The following PTPRN2 variants were observed in gnomAD, a reference collection of about 807,000 sequenced individuals.
The protein encoded by PTPRN2 is protein tyrosine phosphatase receptor type N2.
Under a neutral mutation model 118.8 loss-of-function variants are expected in PTPRN2, and 74 were observed. The ratio of observed to expected loss-of-function variants is 0.62; its 90% confidence interval spans 0.52 to 0.76. The LOEUF is 0.76. Among genes scored for constraint, PTPRN2 ranks in the 30% least tolerant of loss-of-function variants. PTPRN2 has a pLI of 0.00. For missense variants in PTPRN2, 1,481 were observed against 1,394.4 expected, an observed-to-expected ratio of 1.06 and a Z score of -0.99; for synonymous variants, 641 against 608.0, an observed-to-expected ratio of 1.05 and a Z score of -0.80.
chr7:158,169,133 G>A (rs1166729284), intron 5 of PTPRN2, among the ~76,000 whole-genome samples: 1 of 152,206 alleles, frequency 6.6e-6, no homozygotes, highest in African/African-American at 2.4e-5. Flanking sequence ...AGGGGGTCCA[G>A]CTCCTGAGTC....
chr7:158,173,230 T>C (rs1823874233), intron 5 of PTPRN2, among the ~76,000 whole-genome samples: 1 of 152,196 alleles, frequency 6.6e-6, no homozygotes, highest in South Asian at 2.1e-4. Context: ...CCATCATCAC[T>C]TCCTATTGGG....
rs12666975 is a variant in PTPRN2, at chr7:157,874,848, T to C, written c.1788+23825A>G. ...ACACAGAGACACACTCATGCACATA[T>C]ACACACGGAGACACACTCGTGCACA... is the stretch of plus-strand genomic sequence containing the variant. On this transcript the variant is annotated intron_variant, in intron 12 of 22. Coordinates refer to ENST00000389418, the MANE Select transcript of PTPRN2 (RefSeq NM_002847.5). The surrounding 1 kb of genome is among the most constrained non-coding windows in gnomAD (Gnocchi z 5.8). Among the ~76,000 whole-genome samples, 1,091 of 142,368 alleles carry C rather than the reference T, an allele frequency of 7.7e-3. 53 individuals are homozygous for C. In the East Asian group the frequency reaches 0.14, roughly 18 times the overall value. The allele number at this position is 142,368 out of a possible 152,430, so 93.4% of individuals were successfully genotyped here.
At chr7:158,088,228 T>C (rs1410234080) in intron 10 of PTPRN2, among the ~76,000 whole-genome samples, 7 of 34,566 alleles carry the variant, frequency 2.0e-4, no homozygotes, top group Admixed American at 6.1e-4. Flanking sequence ...ACAAACCTTC[T>C]TCCCCTGATG....
intron 4 of PTPRN2, among the ~76,000 whole-genome samples, chr7:158,198,440 C>T (rs950764798): frequency 6.6e-6 from 1 of 152,152 alleles, no homozygotes; most frequent in Non-Finnish European, 1.5e-5. Flanking sequence ...CTTAGGCTCA[C>T]GATAATATGA....
At position 158,047,106 on chromosome 7, in the gene PTPRN2, A is replaced by C. The variant is rs554930733; in HGVS notation, c.1723+34192T>G. On this transcript the variant is annotated intron_variant, in intron 11 of 22. Transcript: ENST00000389418. The stretch of plus-strand genomic sequence containing the variant: ...ACCACATCCCATTCCTCTCTCATGC[A>C]AACTCATCTGGTCACAGAGCATTTG... Among the ~76,000 whole-genome samples, 62 of 152,340 alleles carry C rather than the reference A, an allele frequency of 4.1e-4. 1 individual carries two copies. The South Asian group carries it at 5.6e-3, about 14-fold the overall frequency.
intron 2 of PTPRN2, among the ~76,000 whole-genome samples, chr7:158,377,961 G>C (rs1265323232): frequency 6.6e-6 from 1 of 152,148 alleles, no homozygotes; most frequent in African/African-American, 2.4e-5. Context: ...GTGTGGTCCA[G>C]ATGTGACACA....
chr7:157,819,856 C>A (rs1349246603), intron 12 of PTPRN2, among the ~76,000 whole-genome samples: 1 of 152,074 alleles, frequency 6.6e-6, no homozygotes, highest in Non-Finnish European at 1.5e-5. Context: ...CCCCCACACC[C>A]ACACATGCAG....
chr7:157,773,276 G>T (rs1218970991), intron 12 of PTPRN2, among the ~76,000 whole-genome samples: 1 of 152,184 alleles, frequency 6.6e-6, no homozygotes, highest in African/African-American at 2.4e-5. Flanking sequence ...TTAGCTCTAC[G>T]CGGACATTAG....
chr7:158,146,392 T>C (rs540426617), intron 6 of PTPRN2, among the ~76,000 whole-genome samples: 16 of 152,256 alleles, frequency 1.1e-4, no homozygotes, highest in Middle Eastern at 6.8e-3. Context: ...GTATTGGGCA[T>C]CTATTGTGAT....
At chr7:158,040,736 C>CTTTTTTTTTTTTTTTTTTTTTTTT (rs58192875) in intron 11 of PTPRN2, among the ~76,000 whole-genome samples, 1 of 142,206 alleles carries the variant, frequency 7.0e-6, no homozygotes, top group African/African-American at 2.6e-5. Context: ...TTTTTTCTTT[C>CTTTTTTTTTTTTTTTTTTTTTTTT]TTTTTTTTTT....
chr7:157,655,611 G>A (rs531979052), intron 14 of PTPRN2, among the ~76,000 whole-genome samples: 1 of 152,324 alleles, frequency 6.6e-6, no homozygotes, highest in South Asian at 2.1e-4. Context: ...AGCGTAACAG[G>A]CTCTGCCCTT....
At chr7:158,337,800 G>T (rs1333441783) in intron 2 of PTPRN2, among the ~76,000 whole-genome samples, 149 of 6,246 alleles carry the variant, frequency 0.024, 8 homozygotes, top group Middle Eastern at 0.17. Context: ...CTCACCATAA[G>T]AGGTGACGCC....
chr7:158,102,463 C>G (rs1815308004), intron 10 of PTPRN2, among the ~76,000 whole-genome samples: 1 of 152,134 alleles, frequency 6.6e-6, no homozygotes, highest in Non-Finnish European at 1.5e-5. Flanking sequence ...CTCATGGTAC[C>G]CAGGCTGCTT....
chr7:158,552,950 C>A lies in PTPRN2; in HGVS notation c.112+34608G>T, dbSNP rs530235167. Among the ~76,000 whole-genome samples, 37 of 152,276 alleles carry A rather than the reference C, an allele frequency of 2.4e-4. No individual in the cohort carries two copies. The South Asian group carries it at 5.6e-3, about 23-fold the overall frequency. ...TGTCTACACAAACAGGCTTGGGAAT[C>A]TACATCATCTTTCCCATGTACACAC... On this transcript the variant is annotated intron_variant, in intron 1 of 22. Transcript: ENST00000389418.
At chr7:158,192,292 C>G (rs1825825778) in intron 5 of PTPRN2, 35 bp downstream of exon 5, 1 of 1,439,116 alleles carries the variant, frequency 6.9e-7, no homozygotes, top group Non-Finnish European at 9.1e-7. Context: ...GAAGGAAAAG[C>G]CAACCCCGGC....
chr7:158,571,243 G>A (rs1230818181), intron 1 of PTPRN2, among the ~76,000 whole-genome samples: 4 of 151,948 alleles, frequency 2.6e-5, no homozygotes, highest in African/African-American at 9.7e-5. Flanking sequence ...CCAGCACTTT[G>A]GGAGGCCGAG....
intron 2 of PTPRN2, among the ~76,000 whole-genome samples, chr7:158,463,260 T>A (rs1431953266): frequency 6.6e-6 from 1 of 152,146 alleles, no homozygotes; most frequent in Non-Finnish European, 1.5e-5. Context: ...TAACTCCATC[T>A]TTTCTCATTT....
At chr7:157,839,205 TCTGA>T (rs1296708479) in intron 12 of PTPRN2, among the ~76,000 whole-genome samples, 2 of 152,270 alleles carry the variant, frequency 1.3e-5, no homozygotes, top group African/African-American at 4.8e-5. Flanking sequence ...TGAATTGGTA[TCTGA>T]CTGTGTGAGT....
chr7:158,334,684 C>G (rs1450998584), intron 2 of PTPRN2, among the ~76,000 whole-genome samples: 1 of 71,512 alleles, frequency 1.4e-5, no homozygotes, highest in African/African-American at 4.9e-5. Context: ...CACTCACACC[C>G]ACACTCTCAC....
Sources: gnomAD v4.1 joint callset for allele counts (sites outside exome capture counted in the v4.1 genomes callset) on GRCh38, gnomAD v4.1.1 for gene constraint, Gnocchi (gnomAD v3.1) non-coding constraint, MANE v1.5 for transcripts, NCBI Gene and HGNC (gene_info 2026-07-23, HGNC 2026-07-21) for gene names.